ALK: variants seen among roughly 807,000 people sequenced by gnomAD.
ALK encodes the protein ALK tyrosine kinase receptor.
In ALK, 74 loss-of-function variants were observed where a neutral mutation model predicts 163.1. That is an observed-to-expected ratio of 0.45 (90% CI 0.38 to 0.55). The LOEUF (loss-of-function observed/expected upper bound fraction) is 0.55. Among genes scored for constraint, ALK ranks in the 20% least tolerant of loss-of-function variants. The pLI is 0.00. For missense variants in ALK, 2,063 were observed against 2,105.3 expected (o/e 0.98, Z 0.39); for synonymous variants, 960 against 843.2 (o/e 1.14, Z -2.40).
intron 1 of ALK, among the ~76,000 whole-genome samples, chr2:29,903,494 T>C (rs1667467257): frequency 6.6e-6 from 1 of 152,124 alleles, no homozygotes; most frequent in Admixed American, 6.5e-5. Flanking sequence ...ACATAAACCC[T>C]ACCCAAATAA....
At chr2:29,918,081 T>G (rs1187932296) in intron 1 of ALK, among the ~76,000 whole-genome samples, 1 of 152,188 alleles carries the variant, frequency 6.6e-6, no homozygotes, top group East Asian at 1.9e-4. Flanking sequence ...ATTTAAGACT[T>G]GAGTGGAGTA....
chr2:29,593,932 A>T (rs1675131273), intron 3 of ALK, among the ~76,000 whole-genome samples: 2 of 152,220 alleles, frequency 1.3e-5, no homozygotes, highest in South Asian at 4.1e-4. Context: ...TTATTAAAAT[A>T]TGCGAACTTA....
intron 1 of ALK, among the ~76,000 whole-genome samples, chr2:29,791,718 A>G (rs183630493): frequency 5.1e-4 from 77 of 152,218 alleles, no homozygotes; most frequent in African/African-American, 1.8e-3. Flanking sequence ...CTTGTTTTTC[A>G]TGACGCTTTT....
At chr2:29,822,736 T>C (rs932067846) in intron 1 of ALK, among the ~76,000 whole-genome samples, 7 of 152,230 alleles carry the variant, frequency 4.6e-5, no homozygotes, top group Non-Finnish European at 1.0e-4. Context: ...GAAGAGTTAC[T>C]GCAATAGGCA....
At chr2:29,764,461 A>G (rs182659014) in intron 1 of ALK, among the ~76,000 whole-genome samples, 5 of 152,306 alleles carry the variant, frequency 3.3e-5, no homozygotes, top group Admixed American at 3.3e-4. Context: ...CCAAATCAGG[A>G]AAATAGTTCT....
intron 4 of ALK, among the ~76,000 whole-genome samples, chr2:29,422,992 G>C (rs1670053880): frequency 1.3e-5 from 2 of 151,660 alleles, no homozygotes; most frequent in South Asian, 4.2e-4. Context: ...AACAATGCCA[G>C]GGGAGATGAG....
At chr2:29,518,455 C>T (rs1430328300) in intron 4 of ALK, among the ~76,000 whole-genome samples, 1 of 152,124 alleles carries the variant, frequency 6.6e-6, no homozygotes, top group Non-Finnish European at 1.5e-5. Context: ...ATTCTCCATT[C>T]AGAAAAAAGA....
At chr2:29,538,451 T>C (rs1194822076) in intron 3 of ALK, among the ~76,000 whole-genome samples, 1 of 152,224 alleles carries the variant, frequency 6.6e-6, no homozygotes, top group Non-Finnish European at 1.5e-5. Context: ...CTATGTGACA[T>C]GCTGGCTCCT....
chr2:29,572,719 C>T (rs994393758), intron 3 of ALK, among the ~76,000 whole-genome samples: 1 of 152,204 alleles, frequency 6.6e-6, no homozygotes, highest in Admixed American at 6.5e-5. Flanking sequence ...CAGCTCCAAT[C>T]CCCACGCCTC....
At chr2:29,532,651 T>A (rs1003908835) in intron 3 of ALK, among the ~76,000 whole-genome samples, 1 of 152,216 alleles carries the variant, frequency 6.6e-6, no homozygotes, top group African/African-American at 2.4e-5. Flanking sequence ...TCCCCTGTTG[T>A]TGTGCCCATG....
intron 1 of ALK, among the ~76,000 whole-genome samples, chr2:29,755,001 C>T (rs1025305594): frequency 7.2e-5 from 11 of 152,120 alleles, no homozygotes; most frequent in East Asian, 3.8e-4. Context: ...ACCCCAGAGC[C>T]GGCAGGAAGC....
rs1432186782 is a variant in ALK at position 29,434,463 on chromosome 2, T to C, written c.1155-50604A>G. Among the ~76,000 whole-genome samples the C allele has an allele frequency of 2.0e-5, 3 of 152,226 alleles. No individual in the cohort carries two copies. The East Asian group carries it at 5.8e-4, about 29-fold the overall frequency. ...TTGCATGGCTAAAATGGAAACACGT[T>C]CATCAATTTAAGCCCTGGCTTGCCA... is the stretch of plus-strand genomic sequence containing the variant. On this transcript the variant is annotated intron_variant, in intron 4 of 28. Transcript: ENST00000389048.
At chr2:29,229,814 C>T (rs1664142035) in intron 15 of ALK, among the ~76,000 whole-genome samples, 1 of 152,196 alleles carries the variant, frequency 6.6e-6, no homozygotes, top group African/African-American at 2.4e-5. Context: ...AGAGGTTCTC[C>T]AGGGCCAGGC....
rs775514690 is a variant in ALK at position 29,383,834 on chromosome 2, C to T, written c.1180G>A (p.Gly394Arg). ...ACTCGAAATGGGTTGTCTGGACGCC[C>T]GATTCTTCCCTGGAGCACTGTCCAA... ...HGWTVLQGRI[G>R]RPDNPFRVAL... is the part of the protein sequence containing the mutation. The change falls in exon 5 of 29, where the codon GGG (glycine) becomes AGG (arginine). Residue 394 changes from glycine (G) to arginine (R), a missense_variant. Physicochemically the swap from Gly to Arg is moderately radical, Grantham distance 125 (BLOSUM62 -2). Transcript: ENST00000389048. The T allele has an allele frequency of 3.7e-6, 6 of 1,613,918 alleles. No homozygotes were observed. The highest frequency in any genetic ancestry group is 1.7e-5 in the Admixed American group (1 of 60,004).
chr2:29,296,452 G>T (rs1489393493), intron 9 of ALK, among the ~76,000 whole-genome samples: 1 of 152,190 alleles, frequency 6.6e-6, no homozygotes, highest in Non-Finnish European at 1.5e-5. Context: ...TGATGATAAG[G>T]CCTGTCCTAC....
chr2:29,419,962 C>A (rs536646187), intron 4 of ALK, among the ~76,000 whole-genome samples: 1 of 151,212 alleles, frequency 6.6e-6, no homozygotes, highest in African/African-American at 2.5e-5. Context: ...AGTTTGAGAC[C>A]AGCCTGGGCA....
chr2:29,490,032 G>C (rs867624751), intron 4 of ALK, among the ~76,000 whole-genome samples: 7 of 152,370 alleles, frequency 4.6e-5, no homozygotes, highest in Middle Eastern at 3.4e-3. Context: ...ACTAGGGCAT[G>C]GGCCAGGGAT....
chr2:29,321,345 T>C (rs1229683272), intron 6 of ALK, among the ~76,000 whole-genome samples: 2 of 152,228 alleles, frequency 1.3e-5, no homozygotes, highest in Admixed American at 6.5e-5. Context: ...GTTGATACAA[T>C]GTCCAGACTG....
At chr2:29,493,009 C>G (rs1671939448) in intron 4 of ALK, among the ~76,000 whole-genome samples, 1 of 152,154 alleles carries the variant, frequency 6.6e-6, no homozygotes, top group Non-Finnish European at 1.5e-5. Flanking sequence ...CTTGGCAGGT[C>G]AAGGAATGCA....
Sources: allele counts gnomAD v4.1 joint callset (sites outside exome capture counted in the v4.1 genomes callset), GRCh38; gene constraint gnomAD v4.1.1; transcripts MANE v1.5; gene names NCBI Gene and HGNC (gene_info 2026-07-23, HGNC 2026-07-21).